The following ZBBX variants were observed in gnomAD, a reference collection of about 807,000 sequenced individuals.
ZBBX encodes the protein zinc finger B-box domain-containing protein 1.
A neutral mutation model predicts 108.5 loss-of-function variants in ZBBX; 101 were observed. The observed-to-expected ratio is 0.93, with a 90% CI of 0.79 to 1.10. The LOEUF is 1.10. Ranked by LOEUF, ZBBX falls within the 50% of genes least tolerant of loss-of-function variation. The pLI is 0.00. For missense variants in ZBBX, 1,009 were observed against 941.4 expected (o/e 1.07, Z -0.94); for synonymous variants, 356 against 323.4 (o/e 1.10, Z -1.08).
intron 11 of ZBBX, among the ~76,000 whole-genome samples, chr3:167,326,475 A>G (rs1737395461): frequency 6.6e-6 from 1 of 152,134 alleles, no homozygotes; most frequent in African/African-American, 2.4e-5. Flanking sequence ...AGTTATTTCC[A>G]TTATGAAGAA....
At chr3:167,281,220 T>C (rs376674528) in intron 20 of ZBBX, among the ~76,000 whole-genome samples, 20 of 152,192 alleles carry the variant, frequency 1.3e-4, no homozygotes, top group South Asian at 1.0e-3. Flanking sequence ...GCATGGCACA[T>C]TGTGCACAGG....
At chr3:167,393,471 T>C (rs1203147000) in intron 1 of ZBBX, among the ~76,000 whole-genome samples, 1 of 151,874 alleles carries the variant, frequency 6.6e-6, no homozygotes, top group African/African-American at 2.4e-5. Context: ...TTACCAAAAT[T>C]GCTTATTTGG....
chr3:167,188,693 T>A, the ZBBX span, among the ~76,000 whole-genome samples: 1 of 152,232 alleles, frequency 6.6e-6, no homozygotes, highest in Non-Finnish European at 1.5e-5. Context: ...TATTTGTCAT[T>A]TATCTACATA....
At chr3:167,242,834 G>A (rs1720914289) in intron 20 of ZBBX, among the ~76,000 whole-genome samples, 191 bp from the exon 21 acceptor site, 1 of 151,908 alleles carries the variant, frequency 6.6e-6, no homozygotes. Flanking sequence ...TGGGGCATGG[G>A]TAGCAAGTCA....
intron 19 of ZBBX, among the ~76,000 whole-genome samples, chr3:167,285,088 A>C (rs1246776202): frequency 6.6e-6 from 1 of 152,126 alleles, no homozygotes; most frequent in African/African-American, 2.4e-5. Context: ...TTATATTCTA[A>C]ATGTAACAAA....
At chr3:167,182,472 T>C in the ZBBX span, among the ~76,000 whole-genome samples, 1 of 152,236 alleles carries the variant, frequency 6.6e-6, no homozygotes, top group Non-Finnish European at 1.5e-5. Context: ...TTTACAGCAC[T>C]AAAGGAAGGG....
rs200738152 is a variant in ZBBX, at chr3:167,350,510, G to C, written c.438C>G (p.Cys146Trp). The change falls in exon 9 of 22, where the codon TGC becomes TGG. Residue 146 changes from cysteine to tryptophan, a missense_variant. By Grantham distance (215) the Cys-to-Trp change is radical (BLOSUM62 -2). Coordinates refer to ENST00000675490, the MANE Select transcript of ZBBX (RefSeq NM_001199201.2). Reference sequence around the variant, plus strand: ...AACAATAATCTTCTCCACATTCAAGGCATACCTAAAAAGATATTTTTTAAA... The same window carrying C: ...AACAATAATCTTCTCCACATTCAAGCCATACCTAAAAAGATATTTTTTAAA... ...QCENKAALLV[C>W]LECGEDYCSG... is the part of the protein sequence containing the mutation. 4 of 1,570,026 alleles carry C rather than the reference G, an allele frequency of 2.5e-6. No homozygotes were observed. The highest frequency in any genetic ancestry group is 2.6e-6 in the Non-Finnish European group (3 of 1,155,740).
At chr3:167,190,377 C>CTTT in the ZBBX span, among the ~76,000 whole-genome samples, 2 of 113,656 alleles carry the variant, frequency 1.8e-5, no homozygotes, top group African/African-American at 3.8e-5. Context: ...AACTTACCTA[C>CTTT]TTTTTTTTTT....
chr3:167,365,984 A>G lies in ZBBX; in HGVS notation c.183-8T>C, dbSNP rs201258133. 169 of 1,579,188 alleles carry G rather than the reference A, an allele frequency of 1.1e-4. No homozygotes were observed. The highest frequency in any genetic ancestry group is 2.9e-4 in the Admixed American group (17 of 58,678). On this transcript the variant is annotated splice_polypyrimidine_tract_variant and splice_region_variant and intron_variant, in intron 5 of 21. Transcript: ENST00000675490. The stretch of plus-strand genomic sequence containing the variant: ...CAGTAATACTCGCTTGACCTTTAAT[A>G]TATATAAACAAGATAAAATGTAATC...
chr3:167,406,984 C>T (rs1361799840), intron 1 of ZBBX, among the ~76,000 whole-genome samples: 3 of 152,164 alleles, frequency 2.0e-5, no homozygotes, highest in African/African-American at 7.2e-5. Context: ...ACATAAGAAC[C>T]AGGAGAACAG....
At chr3:167,187,000 T>C in the ZBBX span, among the ~76,000 whole-genome samples, 5 of 152,182 alleles carry the variant, frequency 3.3e-5, no homozygotes, top group African/African-American at 1.2e-4. Flanking sequence ...ACTATATTTC[T>C]ATACAGGAAA....
chr3:167,225,237 C>A, the ZBBX span, among the ~76,000 whole-genome samples: 8 of 151,878 alleles, frequency 5.3e-5, no homozygotes, highest in African/African-American at 1.7e-4. Context: ...TTTACTGCTG[C>A]TGCCATGAGT....
chr3:167,237,981 T>C (rs1354694260), downstream of ZBBX, among the ~76,000 whole-genome samples: 2 of 151,932 alleles, frequency 1.3e-5, no homozygotes, highest in Non-Finnish European at 2.9e-5. Context: ...CAACACCATA[T>C]TCCTTTTATC....
chr3:167,215,515 A>C, the ZBBX span, among the ~76,000 whole-genome samples: 2 of 152,124 alleles, frequency 1.3e-5, no homozygotes, highest in African/African-American at 4.8e-5. Flanking sequence ...AAATCCCAGG[A>C]CCTGATGGAT....
At chr3:167,355,944 T>A (rs1338758746) in intron 8 of ZBBX, among the ~76,000 whole-genome samples, 3 of 152,092 alleles carry the variant, frequency 2.0e-5, no homozygotes. Context: ...CCAAGGCACC[T>A]GCTGCTTATC....
At chr3:167,344,618 A>T (rs1332692562) in intron 9 of ZBBX, among the ~76,000 whole-genome samples, 1 of 151,738 alleles carries the variant, frequency 6.6e-6, no homozygotes. Context: ...CCAGCAGGAC[A>T]GCATCAGCTG....
chr3:167,273,516 C>T (rs1339163826), intron 20 of ZBBX, among the ~76,000 whole-genome samples: 4 of 152,302 alleles, frequency 2.6e-5, no homozygotes, highest in African/African-American at 7.2e-5. Context: ...GCTCATTTCA[C>T]CTCGTGTCTC....
chr3:167,224,567 T>G, the ZBBX span, among the ~76,000 whole-genome samples: 1 of 151,938 alleles, frequency 6.6e-6, no homozygotes, highest in African/African-American at 2.4e-5. Context: ...TGGTAGATAA[T>G]AAATATGTAC....
At chr3:167,232,774 G>A in the ZBBX span, among the ~76,000 whole-genome samples, 1 of 151,678 alleles carries the variant, frequency 6.6e-6, no homozygotes, top group African/African-American at 2.4e-5. Context: ...AAAGCTCCAG[G>A]CTATTCATGT....
Sources: allele counts gnomAD v4.1 joint callset (sites outside exome capture counted in the v4.1 genomes callset), GRCh38; gene constraint gnomAD v4.1.1; transcripts MANE v1.5; gene names NCBI Gene and HGNC (gene_info 2026-07-23, HGNC 2026-07-21).